The following BCO2 variants were observed in gnomAD, a reference collection of about 807,000 sequenced individuals.
The protein encoded by BCO2 is carotenoid-cleaving dioxygenase, mitochondrial.
Under a neutral mutation model 65.8 loss-of-function variants are expected in BCO2, and 56 were observed. That is an observed-to-expected ratio of 0.85 (90% CI 0.69 to 1.06). The LOEUF is 1.06. Ranked by LOEUF, BCO2 falls within the 50% of genes least tolerant of loss-of-function variation. The probability of loss-of-function intolerance (pLI) is 0.00; values close to 1 mark genes in which losing one functional copy is unlikely to be tolerated. For synonymous variants in BCO2, 233 were observed against 242.3 expected (o/e 0.96, Z 0.36); for missense variants, 675 against 698.5 (o/e 0.97, Z 0.38).
At chr11:112,183,309 C>T (rs1284038230) in intron 2 of BCO2, 3 of 626,814 alleles carry the variant, frequency 4.8e-6, no homozygotes, top group African/African-American at 3.7e-5. Flanking sequence ...TTTAAAAAAA[C>T]ATTTAGAGGA....
intron 3 of BCO2, 53 bp from the exon 4 acceptor site, chr11:112,193,826 G>C: frequency 6.9e-7 from 1 of 1,452,000 alleles, no homozygotes; most frequent in Non-Finnish European, 9.7e-7. Context: ...TGTGTGCTTA[G>C]CGTCGTCTAC....
In BCO2 at chr11:112,214,773, T is replaced by C; in HGVS notation, c.1344T>C (p.Ser448=). Residue 448 remains serine (S), a synonymous_variant, in exon 10 of 12, where the codon TCT becomes TCC. Transcript: ENST00000357685. ...VKQADGTIWC[S]HENLHQEDLE... ...GAAATCTCTTTTAGATCTGGTGCTCTCATGAAAATCTACATCAGGAGGACC... is the reference window on the plus strand; with the variant it reads ...GAAATCTCTTTTAGATCTGGTGCTCCCATGAAAATCTACATCAGGAGGACC... 1 of 1,613,052 alleles carries C rather than the reference T, an allele frequency of 6.2e-7. No homozygotes were observed. Among genetic ancestry groups the C allele is most frequent in the Non-Finnish European group, 8.5e-7 (1 of 1,179,110 alleles).
At position 112,179,591 on chromosome 11, in the gene BCO2, C is replaced by T. The variant is rs1188440514; in HGVS notation, c.293+109C>T. 2.0e-5 allele frequency: 20 copies of T among 1,012,052 alleles called. No homozygotes were observed. The East Asian group carries it at 4.7e-4, about 24-fold the overall frequency. The allele number at this position is 1,012,052 out of a possible 1,614,324, so 62.7% of individuals were successfully genotyped here. On this transcript the variant is annotated intron_variant, in intron 2 of 11. Transcript: ENST00000357685. ...TGAGGTTAATATTTCCATTCCATCCCTTTGATTACAGATAAAGAAACTGTA... is the reference window on the plus strand; with the variant it reads ...TGAGGTTAATATTTCCATTCCATCCTTTTGATTACAGATAAAGAAACTGTA...
intron 8 of BCO2, among the ~76,000 whole-genome samples, chr11:112,213,131 CTTTTTTTTTTTTTTTTTTT>C (rs35527541): frequency 1.6e-5 from 1 of 63,064 alleles, no homozygotes; most frequent in East Asian, 7.2e-4. Flanking sequence ...AATTAAATAA[CTTTTTTTTTTTTTTTTTTT>C]TTTTTTTTTT....
intron 2 of BCO2, among the ~76,000 whole-genome samples, chr11:112,185,435 T>C (rs1202386090): frequency 1.3e-5 from 2 of 152,252 alleles, no homozygotes; most frequent in Admixed American, 1.3e-4. Flanking sequence ...TGCTTTGTTT[T>C]AAACATTTTT....
chr11:112,181,926 T>A, intron 2 of BCO2: 1 of 624,112 alleles, frequency 1.6e-6, no homozygotes, highest in Non-Finnish European at 2.9e-6. Flanking sequence ...GCTCTGTTAA[T>A]GGGAGAAAAT....
chr11:112,194,450 T>C (rs2135370807), intron 4 of BCO2: 1 of 510,952 alleles, frequency 2.0e-6, no homozygotes, highest in East Asian at 3.6e-5. Context: ...TTGTTAGTAG[T>C]GGTGATGTGT....
rs568082264 is a variant in BCO2, at chr11:112,218,017, A to G, written c.*143A>G. ...GTTAAAAAGCTACCTATTGAATACTATGTTCCCTATTTGGGTGATGGGTTC... is the reference window on the plus strand; with the variant it reads ...GTTAAAAAGCTACCTATTGAATACTGTGTTCCCTATTTGGGTGATGGGTTC... On this transcript the variant is annotated 3_prime_UTR_variant, in exon 12 of 12. Coordinates refer to ENST00000357685, the MANE Select transcript of BCO2 (RefSeq NM_031938.7). The G allele has an allele frequency of 2.5e-5, 15 of 600,606 alleles. No individual in the cohort carries two copies. The African/African-American group carries it at 2.6e-4, about 10-fold the overall frequency. The allele number at this position is 600,606 out of a possible 1,614,324, so 37.2% of individuals were successfully genotyped here.
intron 3 of BCO2, 41 bp from the exon 4 acceptor site, chr11:112,193,838 G>GCTTACTGTAGACGACGC: frequency 6.8e-7 from 1 of 1,460,468 alleles, no homozygotes; most frequent in Non-Finnish European, 9.6e-7. Flanking sequence ...GTCGTCTACA[G>GCTTACTGTAGACGACGC]TAAGCTGTGG....
intron 5 of BCO2, among the ~76,000 whole-genome samples, chr11:112,196,892 CTCCTTCCTTTCCTTCCTT>C (rs1343893235): frequency 3.4e-5 from 5 of 149,224 alleles, no homozygotes; most frequent in African/African-American, 1.2e-4. Flanking sequence ...CTTCCTTGTT[CTCCTTCCTTTCCTTCCTT>C]TCCTTCCTTC....
At chr11:112,184,211 G>A (rs1867136342) in intron 2 of BCO2, among the ~76,000 whole-genome samples, 1 of 151,720 alleles carries the variant, frequency 6.6e-6, no homozygotes, top group Non-Finnish European at 1.5e-5. Context: ...AAAGGCCAAT[G>A]TAATATAATT....
Position 112,189,403 on chromosome 11 carries a change from AAT to A in BCO2, c.294-4070_294-4069del, listed in dbSNP as rs869135730. Among the ~76,000 whole-genome samples, 590 of 136,174 alleles carry A rather than the reference AAT, an allele frequency of 4.3e-3. 27 individuals are homozygous for A. The highest frequency in any genetic ancestry group is 0.012 in the African/African-American group (452 of 37,806). 89.3% of individuals were successfully genotyped at this position (136,174 alleles called of 152,430 possible). A position where few individuals can be genotyped will look rare whatever the true frequency, so the allele number is the denominator to read the frequency against. ...ATTAAACAAAATTGATAGAAAAGGA[AAT>A]TTTTTTTTTTTTTTTTTTGAGACAG... On this transcript the variant is annotated intron_variant, in intron 2 of 11. Transcript: ENST00000357685.
rs1859759850 is a variant in BCO2, at chr11:112,218,783, A to G, written c.*909A>G. 1 of 152,354 alleles carries G rather than the reference A, an allele frequency of 6.6e-6. No homozygotes were observed. Among genetic ancestry groups the G allele is most frequent in the South Asian group, 2.1e-4 (1 of 4,846 alleles). The allele number at this position is 152,354 out of a possible 1,614,324, so 9.4% of individuals were successfully genotyped here. On this transcript the variant is annotated 3_prime_UTR_variant, in exon 12 of 12. Transcript: ENST00000357685. Reference sequence around the variant, plus strand: ...AACACCACAAAGCAGAATTCATAATATAACTATGGTTATAGATATTTATTT... The same window carrying G: ...AACACCACAAAGCAGAATTCATAATGTAACTATGGTTATAGATATTTATTT...
chr11:112,211,004 T>C (rs1451683237), intron 8 of BCO2, among the ~76,000 whole-genome samples: 1 of 152,122 alleles, frequency 6.6e-6, no homozygotes, highest in Non-Finnish European at 1.5e-5. Flanking sequence ...TTCAGTGGCA[T>C]TAAGTAAATT....
intron 5 of BCO2, among the ~76,000 whole-genome samples, chr11:112,196,914 T>C (rs1195972113): frequency 7.7e-6 from 1 of 129,366 alleles, no homozygotes; most frequent in Non-Finnish European, 1.6e-5. Context: ...CTTCCTTTCC[T>C]TCCTTCCCTT....
chr11:112,183,299 T>G, intron 2 of BCO2: 1 of 643,024 alleles, frequency 1.6e-6, no homozygotes, highest in South Asian at 1.9e-5. Context: ...ATAAGGAAAT[T>G]TTAAAAAAAC....
chr11:112,203,529 T>TATTAAATTAAATAAAATAAAATAAAAAAA (rs1211782272), intron 8 of BCO2, among the ~76,000 whole-genome samples: 119 of 152,358 alleles, frequency 7.8e-4, no homozygotes, highest in Middle Eastern at 3.4e-3. Flanking sequence ...TACATGTAAA[T>TATTAAATTAAATAAAATAAAATAAAAAAA]ATTAAAATGG....
chr11:112,190,846 G>T (rs2135364470), intron 2 of BCO2, among the ~76,000 whole-genome samples: 1 of 132,626 alleles, frequency 7.5e-6, no homozygotes, highest in African/African-American at 2.9e-5. Flanking sequence ...GACAGAGTGA[G>T]ACTCTGTCTC....
At chr11:112,196,198 T>C (rs1867568671) in intron 5 of BCO2, among the ~76,000 whole-genome samples, 1 of 152,218 alleles carries the variant, frequency 6.6e-6, no homozygotes, top group South Asian at 2.1e-4. Context: ...ATCCAGTTGC[T>C]GAGACAGGAA....
Sources: allele counts gnomAD v4.1 joint callset (sites outside exome capture counted in the v4.1 genomes callset), GRCh38; gene constraint gnomAD v4.1.1; transcripts MANE v1.5; gene names NCBI Gene and HGNC (gene_info 2026-07-23, HGNC 2026-07-21).